Variants in ABCC2 observed in about 807,000 individuals in gnomAD.
ABCC2 encodes the protein ATP-binding cassette sub-family C member 2.
ABCC2 carries 157 observed loss-of-function variants against 173.4 expected under a neutral mutation model. The ratio of observed to expected loss-of-function variants is 0.91; its 90% CI spans 0.80 to 1.03. The LOEUF (loss-of-function observed/expected upper bound fraction) is 1.03, where lower values mean the gene tolerates loss of function less well. ABCC2 is among the 50% of genes least tolerant of loss of function. The probability of loss-of-function intolerance (pLI) is 0.00; values close to 1 mark genes in which losing one functional copy is unlikely to be tolerated. For missense variants in ABCC2, 1,822 were observed against 1,852.3 expected, an observed-to-expected ratio of 0.98 and a Z score of 0.30; for synonymous variants, 657 against 693.5, an observed-to-expected ratio of 0.95 and a Z score of 0.83.
Position 99,805,437 on chromosome 10 carries a change from G to A in ABCC2, c.1520G>A (p.Ser507Asn). ...KRLKIMNEIL[S>N]GIKILKYFAW... ...TTAAAGATCATGAATGAGATTCTTA[G>A]TGGAATCAAGGTGAGAATCTGAGCG... Residue 507 changes from serine to asparagine, a missense_variant, in exon 11 of 32, where the codon AGT becomes AAT. By Grantham distance (46) the Ser-to-Asn change is conservative. Transcript: ENST00000647814. 1.2e-6 allele frequency: 2 copies of A among 1,613,890 alleles called. No homozygotes were observed. The highest frequency in any genetic ancestry group is 1.7e-6 in the Non-Finnish European group (2 of 1,179,854).
rs765042639 is a variant in ABCC2 at position 99,836,153 on chromosome 10, C to G, written c.3477C>G (p.Ile1159Met). 5.0e-6 allele frequency: 8 copies of G among 1,614,100 alleles called. No individual in the cohort carries two copies. The South Asian group carries it at 5.5e-5, about 11-fold the overall frequency. The stretch of plus-strand genomic sequence containing the variant: ...TGGACTCTGTCACCAGGTCCCCAAT[C>G]TACTCTCACTTCAGCGAGACCGTAT... The part of the protein sequence containing the change: ...RRLDSVTRSP[I>M]YSHFSETVSG... Residue 1159 changes from isoleucine to methionine, a missense_variant, in exon 25 of 32, where the codon ATC becomes ATG. Transcript: ENST00000647814.
In ABCC2 at chr10:99,836,142, A is replaced by C; in HGVS notation, c.3466A>C (p.Arg1156=). 1 of 1,614,176 alleles carries C rather than the reference A, an allele frequency of 6.2e-7. No individual in the cohort carries two copies. The highest frequency in any genetic ancestry group is 1.3e-5 in the African/African-American group (1 of 75,046). ...GCTGAGGCGTCTGGACTCTGTCACCAGGTCCCCAATCTACTCTCACTTCAG... is the reference window on the plus strand; with the variant it reads ...GCTGAGGCGTCTGGACTCTGTCACCCGGTCCCCAATCTACTCTCACTTCAG... The part of the protein sequence containing the change: ...RQLRRLDSVT[R]SPIYSHFSET... Residue 1156 remains arginine, a synonymous_variant, in exon 25 of 32, where the codon AGG becomes CGG. Transcript: ENST00000647814.
intron 11 of ABCC2, 40 bp downstream of exon 11, chr10:99,805,487 C>G: frequency 6.3e-7 from 1 of 1,590,868 alleles, no homozygotes; most frequent in Non-Finnish European, 8.6e-7. Flanking sequence ...TGGGTAAGGA[C>G]AGAAGCAGTG....
In ABCC2 at chr10:99,809,260, C is replaced by T. The variant is rs374123838; in HGVS notation, c.1816-874C>T. Among the ~76,000 whole-genome samples the T allele has an allele frequency of 2.0e-4, 31 of 152,120 alleles. No individual in the cohort carries two copies. In the East Asian group the frequency reaches 2.7e-3, roughly 13 times the overall value. ...CCCAGCTACTCGAGAGGCTGAGGCACGAGAATCACTTGAACCTGGGAGGTG... is the reference window on the plus strand; with the variant it reads ...CCCAGCTACTCGAGAGGCTGAGGCATGAGAATCACTTGAACCTGGGAGGTG... On this transcript the variant is annotated intron_variant, in intron 13 of 31. Coordinates refer to ENST00000647814, the MANE Select transcript of ABCC2 (RefSeq NM_000392.5).
At chr10:99,814,809 A>ATG (rs760158904) in intron 16 of ABCC2, among the ~76,000 whole-genome samples, 1 of 105,668 alleles carries the variant, frequency 9.5e-6, no homozygotes, top group Non-Finnish European at 2.0e-5. Flanking sequence ...GTGTGTGTGT[A>ATG]TATATATATT....
chr10:99,783,608 G>A (rs554184190), intron 1 of ABCC2, among the ~76,000 whole-genome samples: 1 of 152,212 alleles, frequency 6.6e-6, no homozygotes, highest in East Asian at 1.9e-4. Flanking sequence ...AATCACCTGG[G>A]GCAATAAATG....
intron 19 of ABCC2, among the ~76,000 whole-genome samples, chr10:99,829,362 C>T (rs967302170): frequency 4.6e-5 from 7 of 152,170 alleles, no homozygotes; most frequent in African/African-American, 1.2e-4. Context: ...ACTGTTCTTA[C>T]TAAGTTTCAG....
intron 16 of ABCC2, among the ~76,000 whole-genome samples, chr10:99,815,972 T>A (rs929061064): frequency 6.6e-6 from 1 of 150,382 alleles, no homozygotes; most frequent in East Asian, 1.9e-4. Context: ...TGGTCTTGTT[T>A]TTTTTTTTTT....
intron 8 of ABCC2, 97 bp downstream of exon 8, chr10:99,799,467 A>AT: frequency 7.1e-7 from 1 of 1,415,594 alleles, no homozygotes; most frequent in South Asian, 1.2e-5. Flanking sequence ...TTAAATTCCC[A>AT]TTTTTTAAAA....
intron 19 of ABCC2, among the ~76,000 whole-genome samples, chr10:99,827,609 T>A (rs2038666925): frequency 6.6e-6 from 1 of 152,026 alleles, no homozygotes; most frequent in African/African-American, 2.4e-5. Flanking sequence ...TCCTACCTGC[T>A]TGTTTTAGTT....
Position 99,782,646 on chromosome 10 carries a change from A to G in ABCC2, c.-199A>G, listed in dbSNP as rs575213847. The G allele has an allele frequency of 6.1e-5, 39 of 635,814 alleles. No individual in the cohort carries two copies. Among genetic ancestry groups the G allele is most frequent in the South Asian group, 5.0e-4 (26 of 51,860 alleles). The allele number at this position is 635,814 out of a possible 1,614,324, so 39.4% of individuals were successfully genotyped here. The stretch of plus-strand genomic sequence containing the variant: ...CCTGTCCCTAGGGCTTTTTAGTCAC[A>G]TGTCCATCCACTGTTTCAATGTAAC... On this transcript the variant is annotated 5_prime_UTR_variant, in exon 1 of 32. An upstream start codon of the reference 5' UTR is lost. Coordinates refer to ENST00000647814, the MANE Select transcript of ABCC2 (RefSeq NM_000392.5).
Position 99,843,848 on chromosome 10 carries a change from C to G in ABCC2, c.3791C>G (p.Thr1264Ser), listed in dbSNP as rs771434703. 1 of 1,614,124 alleles carries G rather than the reference C, an allele frequency of 6.2e-7. No individual in the cohort carries two copies. Among genetic ancestry groups the G allele is most frequent in the African/African-American group, 1.3e-5 (1 of 75,014 alleles). The change falls in exon 27 of 32, where the codon ACC becomes AGC. Residue 1264 changes from threonine to serine, a missense_variant. Physicochemically the swap from Thr to Ser is moderately conservative, Grantham distance 58 (BLOSUM62 1). Coordinates refer to ENST00000647814, the MANE Select transcript of ABCC2 (RefSeq NM_000392.5). Reference sequence around the variant, plus strand: ...GTGAGGATGACATCAGAAATAGAGACCAACATTGTGGCTGTTGAGCGAATA... The same window carrying G: ...GTGAGGATGACATCAGAAATAGAGAGCAACATTGTGGCTGTTGAGCGAATA... ...WLVRMTSEIE[T>S]NIVAVERITE...
At position 99,851,796 on chromosome 10, in the gene ABCC2, CA is replaced by C; in HGVS notation, c.*166del. On this transcript the variant is annotated 3_prime_UTR_variant, in exon 32 of 32. Coordinates refer to ENST00000647814, the MANE Select transcript of ABCC2 (RefSeq NM_000392.5). ...CTACCCAGGTTAAGAAAATAAATGT[CA>C]CCAGGTACTTGAGAAACCCCTCGAT... 1 of 668,790 alleles carries C rather than the reference CA, an allele frequency of 1.5e-6. No homozygotes were observed. Among genetic ancestry groups the C allele is most frequent in the Non-Finnish European group, 2.3e-6 (1 of 426,746 alleles). The allele number at this position is 668,790 out of a possible 1,614,324, so 41.4% of individuals were successfully genotyped here. A position where few individuals can be genotyped will look rare whatever the true frequency, so the allele number is the denominator to read the frequency against.
intron 19 of ABCC2, among the ~76,000 whole-genome samples, chr10:99,828,521 G>A (rs547165103): frequency 1.3e-5 from 2 of 152,358 alleles, no homozygotes; most frequent in African/African-American, 4.8e-5. Context: ...GCAATAATCT[G>A]TTCAAGGCCT....
chr10:99,802,716 C>T (rs2038033202), intron 9 of ABCC2, among the ~76,000 whole-genome samples: 2 of 152,156 alleles, frequency 1.3e-5, no homozygotes, highest in Non-Finnish European at 2.9e-5. Flanking sequence ...AGCCTGTACA[C>T]TGTCTTTGTG....
rs530456358 is a variant in ABCC2 at position 99,846,588 on chromosome 10, A to C, written c.4147-373A>C. Reference sequence around the variant, plus strand: ...ACCCATCTCTACAAAAAATTTAAAAAATCAGCCAGGCATCGTGGTGCGTGC... The same window carrying C: ...ACCCATCTCTACAAAAAATTTAAAACATCAGCCAGGCATCGTGGTGCGTGC... On this transcript the variant is annotated intron_variant, in intron 29 of 31. Transcript: ENST00000647814. 9.2e-5 allele frequency among the ~76,000 whole-genome samples: 14 copies of C among 152,272 alleles called. No individual in the cohort carries two copies. In the East Asian group the frequency reaches 2.3e-3, roughly 25 times the overall value.
At chr10:99,818,650 A>G in intron 17 of ABCC2, 140 bp from the exon 18 acceptor site, 1 of 793,078 alleles carries the variant, frequency 1.3e-6, no homozygotes, top group Non-Finnish European at 2.0e-6. Context: ...TCAGTTCTTT[A>G]TTTGTATAAA....
chr10:99,810,620 A>T (rs1227018239), intron 14 of ABCC2, among the ~76,000 whole-genome samples: 1 of 152,216 alleles, frequency 6.6e-6, no homozygotes, highest in African/African-American at 2.4e-5. Flanking sequence ...GGATTTATAT[A>T]TGGAGGTGGA....
At chr10:99,806,462 G>T (rs985482041) in intron 11 of ABCC2, among the ~76,000 whole-genome samples, 1 of 152,130 alleles carries the variant, frequency 6.6e-6, no homozygotes, top group Non-Finnish European at 1.5e-5. Context: ...TGGGAGTGAG[G>T]CCCAGACATG....
Sources: allele counts gnomAD v4.1 joint callset (sites outside exome capture counted in the v4.1 genomes callset), GRCh38; gene constraint gnomAD v4.1.1; transcripts MANE v1.5; gene names NCBI Gene and HGNC (gene_info 2026-07-23, HGNC 2026-07-21).